FHIT: variants seen among roughly 807,000 people sequenced by gnomAD.
FHIT encodes the protein fragile histidine triad diadenosine triphosphatase.
A neutral mutation model predicts 17.9 loss-of-function variants in FHIT; 19 were observed. The ratio of observed to expected loss-of-function variants is 1.06; its 90% CI spans 0.74 to 1.56. FHIT has a LOEUF of 1.56. Ranked by LOEUF, FHIT falls within the 40% of genes most tolerant of loss-of-function variation. The pLI, the probability that FHIT is intolerant of heterozygous loss-of-function variation, is 0.00. For synonymous variants in FHIT, 81 were observed against 69.7 expected, an observed-to-expected ratio of 1.16 and a Z score of -0.81; for missense variants, 248 against 189.2, an observed-to-expected ratio of 1.31 and a Z score of -1.82.
At chr3:60,559,749 GCA>G (rs76815021) in intron 4 of FHIT, among the ~76,000 whole-genome samples, 55,777 of 151,698 alleles carry the variant, frequency 0.37, 10,455 homozygotes, top group East Asian at 0.5. Flanking sequence ...ATGAGAAAAA[GCA>G]TGTCCCTCTT....
intron 3 of FHIT, among the ~76,000 whole-genome samples, chr3:60,955,291 G>A (rs1575747207): frequency 6.6e-6 from 1 of 152,156 alleles, no homozygotes; most frequent in East Asian, 1.9e-4. Flanking sequence ...AAATCCAAGT[G>A]GAAATAGCAC....
rs534531647 is a variant in FHIT, at chr3:60,308,721, A to C, written c.103+228139T>G. ...ATGCATATGAAATGTTCAGCATAGG[A>C]CCTGGGTTACCGATGATTCACTAAA... On this transcript the variant is annotated intron_variant, in intron 5 of 9. Coordinates refer to ENST00000492590, the MANE Select transcript of FHIT (RefSeq NM_002012.4). Among the ~76,000 whole-genome samples the C allele has an allele frequency of 6.6e-5, 10 of 152,194 alleles. No individual in the cohort carries two copies. In the South Asian group the frequency reaches 2.1e-3, roughly 32 times the overall value.
chr3:59,861,771 A>G (rs1702415562), intron 8 of FHIT, among the ~76,000 whole-genome samples: 1 of 152,210 alleles, frequency 6.6e-6, no homozygotes, highest in African/African-American at 2.4e-5. Flanking sequence ...TCTTTCTCTC[A>G]TCAATATATT....
At chr3:60,163,041 GT>G (rs1701008383) in intron 5 of FHIT, among the ~76,000 whole-genome samples, 1 of 152,176 alleles carries the variant, frequency 6.6e-6, no homozygotes, top group Non-Finnish European at 1.5e-5. Context: ...AGAGCTCTTG[GT>G]TTTGGATAAG....
chr3:60,414,441 A>G (rs1461171417), intron 5 of FHIT, among the ~76,000 whole-genome samples: 1 of 152,182 alleles, frequency 6.6e-6, no homozygotes, highest in African/African-American at 2.4e-5. Flanking sequence ...TCAGTGCCAA[A>G]TTCAGAACCT....
chr3:60,585,089 T>C (rs77242326), intron 4 of FHIT, among the ~76,000 whole-genome samples: 2,060 of 152,118 alleles, frequency 0.014, 55 homozygotes, highest in African/African-American at 0.046. Flanking sequence ...AAAGAGAACA[T>C]TTATAGCTAC....
At chr3:60,941,141 A>G (rs1472251303) in intron 3 of FHIT, among the ~76,000 whole-genome samples, 3 of 152,244 alleles carry the variant, frequency 2.0e-5, no homozygotes, top group African/African-American at 7.2e-5. Flanking sequence ...TCCAGCATGT[A>G]TATTCCACTT....
chr3:59,993,685 C>G (rs968234020), intron 7 of FHIT, among the ~76,000 whole-genome samples: 10 of 151,974 alleles, frequency 6.6e-5, no homozygotes, highest in African/African-American at 2.4e-4. Flanking sequence ...GCCACCAAAA[C>G]CAGCCTGTGG....
At chr3:60,843,935 A>G (rs1173714987) in intron 3 of FHIT, among the ~76,000 whole-genome samples, 1 of 152,168 alleles carries the variant, frequency 6.6e-6, no homozygotes, top group African/African-American at 2.4e-5. Context: ...CTCTAGGGGT[A>G]AGGCAAGCAC....
intron 8 of FHIT, among the ~76,000 whole-genome samples, chr3:59,877,495 A>G (rs1303102436): frequency 1.3e-5 from 2 of 152,194 alleles, no homozygotes; most frequent in Non-Finnish European, 1.5e-5. Context: ...GATCCATAGC[A>G]TAAAGTGACA....
At chr3:60,664,230 C>G (rs1228988062) in intron 4 of FHIT, among the ~76,000 whole-genome samples, 2 of 151,956 alleles carry the variant, frequency 1.3e-5, no homozygotes, top group African/African-American at 4.8e-5. Flanking sequence ...TCCAGTGTTT[C>G]CTCAATGAAT....
At chr3:61,055,369 G>A (rs191208415) in intron 2 of FHIT, among the ~76,000 whole-genome samples, 13 of 152,186 alleles carry the variant, frequency 8.5e-5, no homozygotes, top group African/African-American at 1.4e-4. Flanking sequence ...TTAGGGTCTC[G>A]TCCATAATAG....
intron 5 of FHIT, among the ~76,000 whole-genome samples, chr3:60,439,045 GTGAT>G (rs1274468164): frequency 6.6e-6 from 1 of 152,150 alleles, no homozygotes; most frequent in Admixed American, 6.6e-5. Flanking sequence ...ATTGGTGAGA[GTGAT>G]TGGCTTTATA....
chr3:61,177,514 G>T (rs1296190453), intron 2 of FHIT, among the ~76,000 whole-genome samples: 3 of 152,146 alleles, frequency 2.0e-5, no homozygotes, highest in African/African-American at 7.2e-5. Context: ...ATTTCATTAT[G>T]TATTTTCCAA....
intron 5 of FHIT, among the ~76,000 whole-genome samples, chr3:60,379,921 A>G (rs1700729068): frequency 6.6e-6 from 1 of 152,172 alleles, no homozygotes; most frequent in African/African-American, 2.4e-5. Context: ...CTGTGTTTCA[A>G]TTTACAATTT....
intron 5 of FHIT, among the ~76,000 whole-genome samples, chr3:60,124,041 G>GAC (rs760989621): frequency 0.017 from 821 of 47,170 alleles, 21 homozygotes; most frequent in African/African-American, 0.037. Context: ...GAGAGAGAGA[G>GAC]AGAGAGAGAG....
intron 2 of FHIT, among the ~76,000 whole-genome samples, chr3:61,102,278 T>C (rs1329422040): frequency 6.6e-6 from 1 of 152,238 alleles, no homozygotes; most frequent in Admixed American, 6.5e-5. Flanking sequence ...CTGTTGAATT[T>C]TGTCAAAGAC....
At chr3:60,026,235 T>G (rs1700736509) in intron 5 of FHIT, among the ~76,000 whole-genome samples, 1 of 152,156 alleles carries the variant, frequency 6.6e-6, no homozygotes, top group African/African-American at 2.4e-5. Context: ...TGTACCTACT[T>G]CATTGGGATG....
chr3:61,124,034 G>A (rs529308824), intron 2 of FHIT, among the ~76,000 whole-genome samples: 227 of 152,270 alleles, frequency 1.5e-3, no homozygotes, highest in African/African-American at 5.2e-3. Flanking sequence ...GAAAGCAAAA[G>A]TTATGAAGGC....
Sources: allele counts gnomAD v4.1 joint callset (sites outside exome capture counted in the v4.1 genomes callset), GRCh38; gene constraint gnomAD v4.1.1; transcripts MANE v1.5; gene names NCBI Gene and HGNC (gene_info 2026-07-23, HGNC 2026-07-21).